The following NFX1 variants were observed in gnomAD, a reference collection of about 807,000 sequenced individuals.
NFX1 encodes the protein nuclear transcription factor, X-box binding 1.
A neutral mutation model predicts 137.2 loss-of-function variants in NFX1; 69 were observed. The observed-to-expected ratio is 0.50, with a 90% CI of 0.41 to 0.61. NFX1 has a LOEUF of 0.61. Among genes scored for constraint, NFX1 ranks in the 20% least tolerant of loss-of-function variants. The pLI is 0.00. For synonymous variants in NFX1, 495 were observed against 474.1 expected, an observed-to-expected ratio of 1.04 and a Z score of -0.57; for missense variants, 1,167 against 1,391.0, an observed-to-expected ratio of 0.84 and a Z score of 2.56.
rs1194526864 is a variant in NFX1, at chr9:33,361,855, G to A, written c.2874-2155G>A. Among the ~76,000 whole-genome samples, 5 of 151,384 alleles carry A rather than the reference G, an allele frequency of 3.3e-5. No homozygotes were observed. The East Asian group carries it at 9.7e-4, about 29-fold the overall frequency. On this transcript the variant is annotated intron_variant, in intron 19 of 23. Transcript: ENST00000379540. Reference sequence around the variant, plus strand: ...AGTGAAAAAAGGGGCCCGTTACAGCGGCTCATCCCCATAATCCCAGCATTT... The same window carrying A: ...AGTGAAAAAAGGGGCCCGTTACAGCAGCTCATCCCCATAATCCCAGCATTT...
intron 4 of NFX1, among the ~76,000 whole-genome samples, chr9:33,305,242 C>G (rs977577289): frequency 6.6e-6 from 1 of 152,150 alleles, no homozygotes; most frequent in African/African-American, 2.4e-5. Flanking sequence ...GGGGTAGTTA[C>G]GACTTACAGC....
Position 33,366,750 on chromosome 9 carries a change from G to T in NFX1, c.3161G>T (p.Arg1054Leu), listed in dbSNP as rs775751251. The change falls in exon 22 of 24, where the codon CGC (arginine) becomes CTC (leucine). Residue 1054 changes from arginine to leucine, a missense_variant. Arg to Leu is a moderately radical substitution (Grantham distance 102). Coordinates refer to ENST00000379540, the MANE Select transcript of NFX1 (RefSeq NM_002504.6). ...GTGAGCTATGACAGTGAACCGAAGC[G>T]CAATGTGGTGGTCACTGCCATCAGG... ...ESVSYDSEPKRNVVVTAIRGK... is the reference protein window; with the variant it reads ...ESVSYDSEPKLNVVVTAIRGK... 4 of 1,614,136 alleles carry T rather than the reference G, an allele frequency of 2.5e-6. No homozygotes were observed. The highest frequency in any genetic ancestry group is 2.2e-5 in the East Asian group (1 of 44,882).
In NFX1 at chr9:33,292,096, C is replaced by G. The variant is rs75761465; in HGVS notation, c.25+1499C>G. ...GCTCGTTTCTGACTCATTTCTGTAC[C>G]CTTCAGTGTTTGAAGAAGAATTCGG... is the stretch of plus-strand genomic sequence containing the variant. On this transcript the variant is annotated intron_variant, in intron 1 of 23. Transcript: ENST00000379540. Among the ~76,000 whole-genome samples the G allele has an allele frequency of 6.6e-3, 1,010 of 152,216 alleles. 6 individuals carry two copies. Among genetic ancestry groups the G allele is most frequent in the African/African-American group, 0.023 (960 of 41,530 alleles).
In NFX1 at chr9:33,342,703, A is replaced by T. The variant is rs879038947; in HGVS notation, c.2116-43A>T. The T allele has an allele frequency of 1.1e-5, 15 of 1,344,390 alleles. No individual in the cohort carries two copies. In the South Asian group the frequency reaches 1.8e-4, roughly 16 times the overall value. 83.3% of individuals were successfully genotyped at this position (1,344,390 alleles called of 1,614,324 possible). A position where few individuals can be genotyped will look rare whatever the true frequency, so the allele number is the denominator to read the frequency against. On this transcript the variant is annotated intron_variant, in intron 12 of 23. Coordinates refer to ENST00000379540, the MANE Select transcript of NFX1 (RefSeq NM_002504.6). Reference sequence around the variant, plus strand: ...TTGTTGTTATTTATGGAAAATATAAAATGAAGACCATTTTATGAACAAATA... The same window carrying T: ...TTGTTGTTATTTATGGAAAATATAATATGAAGACCATTTTATGAACAAATA...
At chr9:33,365,107 C>G (rs1824132009) in intron 21 of NFX1, 1 of 462,710 alleles carries the variant, frequency 2.2e-6, no homozygotes, top group Admixed American at 5.6e-5. Context: ...AACCCTGTCT[C>G]TACTAAAAAT....
chr9:33,353,309 G>A (rs1469269935), intron 17 of NFX1, among the ~76,000 whole-genome samples: 1 of 152,146 alleles, frequency 6.6e-6, no homozygotes, highest in African/African-American at 2.4e-5. Context: ...TGCTCCTCTG[G>A]TGTGAGGGTT....
chr9:33,296,243 G>T (rs1357113697), intron 2 of NFX1, among the ~76,000 whole-genome samples: 2 of 152,166 alleles, frequency 1.3e-5, no homozygotes, highest in African/African-American at 4.8e-5. Context: ...ATTAAACTGT[G>T]TCACTCCTCT....
At position 33,369,960 on chromosome 9, in the gene NFX1, T is replaced by C; in HGVS notation, c.3345T>C (p.Tyr1115=). 1 of 1,613,034 alleles carries C rather than the reference T, an allele frequency of 6.2e-7. No homozygotes were observed. The highest frequency in any genetic ancestry group is 1.3e-5 in the African/African-American group (1 of 75,034). ...QKITKEPIID[Y]FDVQD ...TAACCAAGGAGCCAATAATTGACTA[T>C]TTTGACGTCCAGGACTAAGAAGATC... The change falls in exon 24 of 24, where the codon TAT becomes TAC. Residue 1115 remains tyrosine (Y), a synonymous_variant. Coordinates refer to ENST00000379540, the MANE Select transcript of NFX1 (RefSeq NM_002504.6).
chr9:33,300,195 A>G (rs934740933), intron 2 of NFX1, among the ~76,000 whole-genome samples: 1 of 143,408 alleles, frequency 7.0e-6, no homozygotes, highest in Non-Finnish European at 1.5e-5. Context: ...TTGGATTACT[A>G]CTGGGATTAC....
At chr9:33,332,356 A>T in intron 10 of NFX1, 116 bp from the exon 11 acceptor site, 1 of 965,166 alleles carries the variant, frequency 1.0e-6, no homozygotes, top group Admixed American at 2.3e-5. Flanking sequence ...TGAATAAGTG[A>T]CTATCAGAGA....
intron 2 of NFX1, among the ~76,000 whole-genome samples, chr9:33,296,967 C>T (rs552041195): frequency 2.0e-5 from 3 of 152,318 alleles, no homozygotes; most frequent in Non-Finnish European, 4.4e-5. Flanking sequence ...CTGCCCCACA[C>T]AGCTCTTGAA....
intron 19 of NFX1, among the ~76,000 whole-genome samples, chr9:33,363,291 T>G (rs1824067342): frequency 6.7e-6 from 1 of 149,278 alleles, no homozygotes; most frequent in African/African-American, 2.4e-5. Context: ...TTATTATTAT[T>G]ATTATTATTT....
At chr9:33,345,802 A>G (rs1007563986) in intron 14 of NFX1, among the ~76,000 whole-genome samples, 1 of 152,162 alleles carries the variant, frequency 6.6e-6, no homozygotes, top group Non-Finnish European at 1.5e-5. Flanking sequence ...TGGACATTTT[A>G]GTGTTTTCAG....
At chr9:33,299,657 G>A (rs1350042591) in intron 2 of NFX1, among the ~76,000 whole-genome samples, 1 of 152,122 alleles carries the variant, frequency 6.6e-6, no homozygotes, top group Non-Finnish European at 1.5e-5. Context: ...CACTGCACTC[G>A]AGCCTAAACT....
chr9:33,362,616 G>T (rs1241902666), intron 19 of NFX1, among the ~76,000 whole-genome samples: 1 of 151,832 alleles, frequency 6.6e-6, no homozygotes, highest in East Asian at 1.9e-4. Flanking sequence ...GAGGGACAGG[G>T]TGGAAAAGGG....
chr9:33,319,655 G>A (rs1385557216), intron 9 of NFX1, among the ~76,000 whole-genome samples: 1 of 151,904 alleles, frequency 6.6e-6, no homozygotes, highest in Non-Finnish European at 1.5e-5. Flanking sequence ...GACTACAGGC[G>A]CACACCACCA....
At chr9:33,365,936 G>A (rs1047349214) in intron 21 of NFX1, 3 of 152,250 alleles carry the variant, frequency 2.0e-5, no homozygotes, top group Admixed American at 1.3e-4. Flanking sequence ...GTAGCTTTAA[G>A]TGGAAAAGTC....
At chr9:33,352,556 T>G in intron 16 of NFX1, 90 bp from the exon 17 acceptor site, 2 of 1,121,092 alleles carry the variant, frequency 1.8e-6, no homozygotes, top group South Asian at 2.5e-5. Context: ...TAGTCTCTGC[T>G]ATGGTTTAAG....
chr9:33,367,523 C>T lies in NFX1; in HGVS notation c.3194C>T (p.Ser1065Phe). The T allele has an allele frequency of 1.2e-6, 2 of 1,613,820 alleles. No individual in the cohort carries two copies. The highest frequency in any genetic ancestry group is 1.7e-6 in the Non-Finnish European group (2 of 1,179,808). ...GTTTTGACTTTTATCAGGGGGAAGT[C>T]CGTTTGTCCTCCTACCACGCTGACA... ...NVVVTAIRGK[S>F]VCPPTTLTGV... Residue 1065 changes from serine to phenylalanine, a missense_variant, in exon 23 of 24, where the codon TCC (serine) becomes TTC (phenylalanine). This residue lies in a region of NFX1 where 312 missense variants were observed against 312.8 expected (regional missense o/e 1.00). Coordinates refer to ENST00000379540, the MANE Select transcript of NFX1 (RefSeq NM_002504.6).
Sources: gnomAD v4.1 joint callset for allele counts (sites outside exome capture counted in the v4.1 genomes callset) on GRCh38, gnomAD v4.1.1 for gene constraint, gnomAD v4.1.1 regional missense constraint, MANE v1.5 for transcripts, NCBI Gene and HGNC (gene_info 2026-07-23, HGNC 2026-07-21) for gene names.